The following SMARCA4 variants were observed in gnomAD, a reference collection of about 807,000 sequenced individuals.
The protein encoded by SMARCA4 is SWI/SNF-related matrix-associated actin-dependent regulator of chromatin subfamily A member 4.
Under a neutral mutation model 193.9 loss-of-function variants are expected in SMARCA4, and 31 were observed. The ratio of observed to expected loss-of-function variants is 0.16; its 90% confidence interval spans 0.12 to 0.22. The LOEUF (loss-of-function observed/expected upper bound fraction) is 0.22. Among genes scored for constraint, SMARCA4 ranks in the 10% least tolerant of loss-of-function variants. The pLI, the probability that SMARCA4 is intolerant of heterozygous loss-of-function variation, is 1.00. For synonymous variants in SMARCA4, 942 were observed against 933.1 expected, an observed-to-expected ratio of 1.01 and a Z score of -0.17; for missense variants, 1,148 against 2,296.0, an observed-to-expected ratio of 0.50 and a Z score of 10.22.
rs1600335765 is a variant in SMARCA4 at position 11,027,845 on chromosome 19, C to T, written c.3277C>T (p.Arg1093Ter). ...TCTTGATAGAATTCTTCCCAAACTCCGAGCAACCAACCACAAAGTGCTGCT... is the reference window on the plus strand; with the variant it reads ...TCTTGATAGAATTCTTCCCAAACTCTGAGCAACCAACCACAAAGTGCTGCT... ...ELLDRILPKL[R>*]ATNHKVLLFC... is the part of the protein sequence containing the mutation. The change falls in exon 24 of 35, where the codon CGA (arginine) becomes TGA (stop). Residue 1093 changes from arginine to a stop codon, truncating the protein, a stop_gained. Coordinates refer to ENST00000344626, the MANE Select transcript of SMARCA4 (RefSeq NM_003072.5). LOFTEE classifies it high-confidence loss of function. 6.2e-7 allele frequency: 1 copy of T among 1,614,130 alleles called. No homozygotes were observed. Among genetic ancestry groups the T allele is most frequent in the Non-Finnish European group, 8.5e-7 (1 of 1,180,030 alleles).
intron 30 of SMARCA4, among the ~76,000 whole-genome samples, chr19:11,054,058 C>T (rs2076407555): frequency 6.6e-6 from 1 of 152,212 alleles, no homozygotes; most frequent in Non-Finnish European, 1.5e-5. Flanking sequence ...TGCTTGGCTT[C>T]TCTGCACAAC....
rs1356932636 is a variant in SMARCA4 at position 11,060,048 on chromosome 19, G to A, written c.4772G>A (p.Arg1591Gln). 3.2e-6 allele frequency: 5 copies of A among 1,564,432 alleles called. No individual in the cohort carries two copies. Among genetic ancestry groups the A allele is most frequent in the Admixed American group, 3.8e-5 (2 of 52,144 alleles). The change falls in exon 34 of 35, where the codon CGG (arginine) becomes CAG (glutamine). Residue 1591 changes from arginine (R) to glutamine (Q), a missense_variant. Physicochemically the swap from Arg to Gln is conservative, Grantham distance 43 (BLOSUM62 1). Coordinates refer to ENST00000344626, the MANE Select transcript of SMARCA4 (RefSeq NM_003072.5). ...TTTCCCTCCCGGTCCCCTCCAGCTCGGTCCGTCAAAGTGAAGATCAAGCTT... is the reference window on the plus strand; with the variant it reads ...TTTCCCTCCCGGTCCCCTCCAGCTCAGTCCGTCAAAGTGAAGATCAAGCTT... ...GEEEGSESESRSVKVKIKLGR... is the reference protein window; with the variant it reads ...GEEEGSESESQSVKVKIKLGR...
intron 30 of SMARCA4, among the ~76,000 whole-genome samples, chr19:11,051,616 G>T (rs1208040586): frequency 6.6e-6 from 1 of 150,890 alleles, no homozygotes; most frequent in East Asian, 2.0e-4. Context: ...TCAGCCTCCC[G>T]AGTAGCTGGG....
chr19:11,037,797 A>G (rs2075355093), intron 29 of SMARCA4, among the ~76,000 whole-genome samples: 1 of 152,116 alleles, frequency 6.6e-6, no homozygotes, highest in African/African-American at 2.4e-5. Context: ...TTTTGAGTTA[A>G]ATTTTATACA....
intron 11 of SMARCA4, among the ~76,000 whole-genome samples, chr19:11,001,066 CTAT>C (rs1214941977): frequency 1.3e-5 from 2 of 151,854 alleles, no homozygotes; most frequent in Non-Finnish European, 2.9e-5. Flanking sequence ...ATTATTACTA[CTAT>C]TATTTGAGAC....
chr19:11,060,022 C>T lies in SMARCA4; in HGVS notation c.4769-23C>T, dbSNP rs1330476828. ...CTGCATTCCCAGAGCTCAAGGCTGT[C>T]TTTCCCTCCCGGTCCCCTCCAGCTC... is the stretch of plus-strand genomic sequence containing the variant. On this transcript the variant is annotated intron_variant, in intron 33 of 34. Coordinates refer to ENST00000344626, the MANE Select transcript of SMARCA4 (RefSeq NM_003072.5). The T allele has an allele frequency of 2.5e-6, 4 of 1,587,370 alleles. No individual in the cohort carries two copies. In the South Asian group the frequency reaches 4.6e-5, roughly 18 times the overall value.
At chr19:10,999,880 A>G (rs2087461061) in intron 11 of SMARCA4, among the ~76,000 whole-genome samples, 1 of 152,210 alleles carries the variant, frequency 6.6e-6, no homozygotes, top group African/African-American at 2.4e-5. Context: ...GTTAGAGTTC[A>G]GTATTTATAG....
chr19:11,019,770 T>A lies in SMARCA4; in HGVS notation c.2616+69T>A. 1 of 1,061,842 alleles carries A rather than the reference T, an allele frequency of 9.4e-7. No individual in the cohort carries two copies. The highest frequency in any genetic ancestry group is 1.4e-6 in the Non-Finnish European group (1 of 693,192). The allele number at this position is 1,061,842 out of a possible 1,614,324, so 65.8% of individuals were successfully genotyped here. On this transcript the variant is annotated intron_variant, in intron 18 of 34. Transcript: ENST00000344626. This position sits in a 1 kb window ranked among gnomAD's most constrained non-coding sequence, Gnocchi z 6.1. ...TCACACGTGGGTCACGCTGCCCGTCTCCTCCAAAGCCCCTACAAGTTTCTT... is the reference window on the plus strand; with the variant it reads ...TCACACGTGGGTCACGCTGCCCGTCACCTCCAAAGCCCCTACAAGTTTCTT...
chr19:11,002,519 G>A (rs762530410), intron 11 of SMARCA4, among the ~76,000 whole-genome samples: 1 of 151,444 alleles, frequency 6.6e-6, no homozygotes, highest in Non-Finnish European at 1.5e-5. Context: ...AAAATGGGCC[G>A]AGCATAGTGG....
chr19:11,011,654 T>G (rs2088859072), intron 15 of SMARCA4: 3 of 152,154 alleles, frequency 2.0e-5, no homozygotes, highest in Admixed American at 2.0e-4. Flanking sequence ...GAGTTGAAAG[T>G]GGGCCTGGGC....
At chr19:11,009,997 G>GT (rs2088662651) in intron 14 of SMARCA4, among the ~76,000 whole-genome samples, 2 of 151,626 alleles carry the variant, frequency 1.3e-5, no homozygotes, top group South Asian at 4.2e-4. Flanking sequence ...CCTAATTTTT[G>GT]TTTTTTGTAG....
At chr19:10,975,046 G>A (rs1232214127) in intron 1 of SMARCA4, among the ~76,000 whole-genome samples, 3 of 135,754 alleles carry the variant, frequency 2.2e-5, no homozygotes, top group African/African-American at 8.5e-5. Flanking sequence ...TTTTGAGACA[G>A]GGTCTCTGTC....
rs532983863 is a variant in SMARCA4 at position 11,058,695 on chromosome 19, A to G, written c.4534-93A>G. 1.4e-4 allele frequency: 147 copies of G among 1,088,356 alleles called. No homozygotes were observed. In the South Asian group the frequency reaches 1.8e-3, roughly 13 times the overall value. 67.4% of individuals were successfully genotyped at this position (1,088,356 alleles called of 1,614,324 possible). On this transcript the variant is annotated intron_variant, in intron 31 of 34. Coordinates refer to ENST00000344626, the MANE Select transcript of SMARCA4 (RefSeq NM_003072.5). This position sits in a 1 kb window ranked among gnomAD's most constrained non-coding sequence, Gnocchi z 5.8. Reference sequence around the variant, plus strand: ...GGCCACATCCTCATAGGCACGAGGAATCCTAGCCCGTGGGGTCTCCAGCAC... The same window carrying G: ...GGCCACATCCTCATAGGCACGAGGAGTCCTAGCCCGTGGGGTCTCCAGCAC...
intron 18 of SMARCA4, chr19:11,020,500 T>A (rs1361903680): frequency 1.3e-5 from 2 of 151,650 alleles, no homozygotes; most frequent in African/African-American, 4.9e-5. Context: ...AGGCCTGACC[T>A]CCTGGCCTCA....
rs754291337 is a variant in SMARCA4 at position 10,984,191 on chromosome 19, C to A, written c.40C>A (p.Pro14Thr). 1 of 1,613,434 alleles carries A rather than the reference C, an allele frequency of 6.2e-7. No homozygotes were observed. ...PDPPLGGTPR[P>T]GPSPGPGPSP... ...CCCACCCCTGGGCGGAACTCCTCGG[C>A]CAGGTCCTTCCCCGGGCCCTGGCCC... The change falls in exon 2 of 35, where the codon CCA becomes ACA. Residue 14 changes from proline (P) to threonine (T), a missense_variant. By Grantham distance (38) the Pro-to-Thr change is conservative. Around this residue, in one of 17 missense-constraint regions of SMARCA4, gnomAD observed 201 missense variants for 248.3 expected, o/e 0.81. Coordinates refer to ENST00000344626, the MANE Select transcript of SMARCA4 (RefSeq NM_003072.5). The surrounding 1 kb of genome is among the most constrained non-coding windows in gnomAD (Gnocchi z 4.3).
rs1463451755 is a variant in SMARCA4, at chr19:11,033,167, T to TGGGCAGAATTGTCAGGCC, written c.3547-121_3547-104dup. On this transcript the variant is annotated intron_variant, in intron 25 of 34. Transcript: ENST00000344626. This position sits in a 1 kb window ranked among gnomAD's most constrained non-coding sequence, Gnocchi z 9.8. ...GTTTTCATGCGGCGGCAGGTCAGGC[T>TGGGCAGAATTGTCAGGCC]GGGCAGAATTGTCAGGCCGAGGGTG... The TGGGCAGAATTGTCAGGCC allele has an allele frequency of 2.6e-6, 2 of 775,994 alleles. No individual in the cohort carries two copies. The highest frequency in any genetic ancestry group is 4.5e-6 in the Non-Finnish European group (2 of 442,866). 48.1% of individuals were successfully genotyped at this position (775,994 alleles called of 1,614,324 possible).
Position 11,023,425 on chromosome 19 carries a change from T to G in SMARCA4, c.2860-93T>G. ...GGCAAGATCACCCCAGGGGACCCCG[T>G]CCACCCTGTCCCCACATCCGCACCT... On this transcript the variant is annotated intron_variant, in intron 19 of 34. Coordinates refer to ENST00000344626, the MANE Select transcript of SMARCA4 (RefSeq NM_003072.5). 8.5e-6 allele frequency: 7 copies of G among 826,054 alleles called. 1 individual carries two copies. In the South Asian group the frequency reaches 1.0e-4, roughly 12 times the overall value. 51.2% of individuals were successfully genotyped at this position (826,054 alleles called of 1,614,324 possible). A position where few individuals can be genotyped will look rare whatever the true frequency, so the allele number is the denominator to read the frequency against.
intron 1 of SMARCA4, chr19:10,980,774 C>G (rs1280534483): frequency 6.6e-6 from 1 of 152,224 alleles, no homozygotes; most frequent in Non-Finnish European, 1.5e-5. Context: ...TCCTCTGAGA[C>G]AGCGTCTCGC....
Position 10,986,690 on chromosome 19 carries a change from C to A in SMARCA4, c.760+97C>A. 1 of 1,518,142 alleles carries A rather than the reference C, an allele frequency of 6.6e-7. No individual in the cohort carries two copies. Among genetic ancestry groups the A allele is most frequent in the South Asian group, 1.2e-5 (1 of 82,952 alleles). The allele number at this position is 1,518,142 out of a possible 1,614,324, so 94.0% of individuals were successfully genotyped here. A position where few individuals can be genotyped will look rare whatever the true frequency, so the allele number is the denominator to read the frequency against. On this transcript the variant is annotated intron_variant, in intron 4 of 34. Transcript: ENST00000344626. The surrounding 1 kb of genome is among the most constrained non-coding windows in gnomAD (Gnocchi z 6.7). Reference sequence around the variant, plus strand: ...ACCGTGCTCTGTTGCCGACTGGGTTCCCCGGTTTGGGATTGCACGGGCCCA... The same window carrying A: ...ACCGTGCTCTGTTGCCGACTGGGTTACCCGGTTTGGGATTGCACGGGCCCA...
Sources: allele counts gnomAD v4.1 joint callset (sites outside exome capture counted in the v4.1 genomes callset), GRCh38; gene constraint gnomAD v4.1.1; regional missense constraint gnomAD v4.1.1; non-coding constraint Gnocchi (gnomAD v3.1); transcripts MANE v1.5; gene names NCBI Gene and HGNC (gene_info 2026-07-23, HGNC 2026-07-21).